Variants in KCNH1 observed in about 807,000 individuals in gnomAD.
KCNH1 encodes voltage-gated delayed rectifier potassium channel KCNH1.
KCNH1 carries 27 observed loss-of-function variants against 69.2 expected under a neutral mutation model. The observed-to-expected ratio is 0.39, with a 90% confidence interval of 0.29 to 0.54. The LOEUF (loss-of-function observed/expected upper bound fraction) is 0.54. KCNH1 is among the 20% of genes least tolerant of loss of function. The pLI is 0.68. For missense variants in KCNH1, 798 were observed against 1,261.6 expected (o/e 0.63, Z 5.57); for synonymous variants, 456 against 487.7 (o/e 0.93, Z 0.86).
chr1:210,695,673 A>T (rs887208740), intron 10 of KCNH1, among the ~76,000 whole-genome samples: 3 of 152,230 alleles, frequency 2.0e-5, no homozygotes, highest in African/African-American at 7.2e-5. Context: ...GGGGACTGAC[A>T]GATTGCATGA....
rs539286058 is a variant in KCNH1, at chr1:211,113,724, A to C, written c.80-6347T>G. ...TCAGTTCCCATGGAGTCTGGAAAGA[A>C]TCCAGAAGTCCCCAACTGCCCGTGG... is the stretch of plus-strand genomic sequence containing the variant. On this transcript the variant is annotated intron_variant, in intron 1 of 10. Coordinates refer to ENST00000271751, the MANE Select transcript of KCNH1 (RefSeq NM_172362.3). Among the ~76,000 whole-genome samples, 22 of 152,282 alleles carry C rather than the reference A, an allele frequency of 1.4e-4. No individual in the cohort carries two copies. The South Asian group carries it at 1.7e-3, about 11-fold the overall frequency.
intron 10 of KCNH1, among the ~76,000 whole-genome samples, chr1:210,694,744 T>C (rs1172882469): frequency 3.3e-5 from 5 of 152,234 alleles, no homozygotes; most frequent in Admixed American, 2.6e-4. Flanking sequence ...AAGCCTCAGG[T>C]CCTTTCTTTA....
intron 7 of KCNH1, among the ~76,000 whole-genome samples, chr1:210,881,040 CAG>C (rs775638319): frequency 7.6e-5 from 11 of 145,192 alleles, no homozygotes; most frequent in Non-Finnish European, 1.4e-4. Flanking sequence ...TTTCTGGAAA[CAG>C]AGTCTCACTC....
intron 10 of KCNH1, among the ~76,000 whole-genome samples, chr1:210,738,566 T>A (rs1286804948): frequency 7.5e-6 from 1 of 132,506 alleles, no homozygotes; most frequent in South Asian, 2.6e-4. Context: ...TTTTTTTTTT[T>A]TTTTTTTTTT....
At chr1:211,087,981 G>A (rs1690987577) in intron 4 of KCNH1, among the ~76,000 whole-genome samples, 1 of 152,102 alleles carries the variant, frequency 6.6e-6, no homozygotes, top group Non-Finnish European at 1.5e-5. Flanking sequence ...CCCTTTGTGG[G>A]CGATTTGTGG....
intron 5 of KCNH1, among the ~76,000 whole-genome samples, chr1:211,034,319 C>T: frequency 6.6e-6 from 1 of 151,500 alleles, no homozygotes; most frequent in East Asian, 1.9e-4. Flanking sequence ...GAAAAAAAAA[C>T]CTCAAAGATT....
At chr1:210,899,715 C>T (rs947988285) in intron 7 of KCNH1, among the ~76,000 whole-genome samples, 2 of 152,192 alleles carry the variant, frequency 1.3e-5, no homozygotes, top group Admixed American at 1.3e-4. Flanking sequence ...ATATTTGTGA[C>T]TTCATGTGAT....
chr1:211,119,103 G>A (rs540640227), intron 1 of KCNH1, among the ~76,000 whole-genome samples: 171 of 152,350 alleles, frequency 1.1e-3, no homozygotes, highest in Non-Finnish European at 2.1e-3. Context: ...GCTCATGCCT[G>A]TAATCCCAGC....
At chr1:211,022,667 A>G (rs1689607498) in intron 5 of KCNH1, among the ~76,000 whole-genome samples, 1 of 152,240 alleles carries the variant, frequency 6.6e-6, no homozygotes, top group Non-Finnish European at 1.5e-5. Context: ...AGTAATCTGA[A>G]TAGCTATTTA....
In KCNH1 at chr1:211,070,783, T is replaced by C. The variant is rs181390165; in HGVS notation, c.558+11997A>G. On this transcript the variant is annotated intron_variant, in intron 5 of 10. Coordinates refer to ENST00000271751, the MANE Select transcript of KCNH1 (RefSeq NM_172362.3). ...GTTGCAGTGAGCCAAGATCATGCAA[T>C]TGTTCTCCAGTCTGGGGGACAGAGC... Among the ~76,000 whole-genome samples the C allele has an allele frequency of 3.3e-5, 5 of 150,750 alleles. No homozygotes were observed. In the East Asian group the frequency reaches 9.8e-4, roughly 30 times the overall value.
chr1:210,715,619 G>A (rs781460905), intron 10 of KCNH1, among the ~76,000 whole-genome samples: 1 of 151,924 alleles, frequency 6.6e-6, no homozygotes, highest in Non-Finnish European at 1.5e-5. Context: ...TAATCATTAG[G>A]TCATAATTTT....
intron 6 of KCNH1, among the ~76,000 whole-genome samples, chr1:210,954,715 G>A (rs989087751): frequency 6.6e-6 from 1 of 152,324 alleles, no homozygotes; most frequent in South Asian, 2.1e-4. Flanking sequence ...TTTCAGAAGT[G>A]TCTGTTCATA....
At chr1:211,029,670 C>T (rs1178825370) in intron 5 of KCNH1, among the ~76,000 whole-genome samples, 3 of 152,116 alleles carry the variant, frequency 2.0e-5, no homozygotes, top group Admixed American at 2.0e-4. Flanking sequence ...TCTCACAATT[C>T]TTAATCAACA....
At chr1:210,866,902 T>C (rs1686121813) in intron 7 of KCNH1, among the ~76,000 whole-genome samples, 1 of 147,440 alleles carries the variant, frequency 6.8e-6, no homozygotes, top group South Asian at 2.1e-4. Flanking sequence ...AGATGTGGTA[T>C]AGCCATACAA....
intron 4 of KCNH1, among the ~76,000 whole-genome samples, chr1:211,084,428 C>T (rs17267400): frequency 0.019 from 2,873 of 152,254 alleles, 40 homozygotes; most frequent in South Asian, 0.062. Context: ...AGAACAGTGA[C>T]GAGAGGGAGC....
At chr1:210,840,180 G>A (rs185476013) in intron 7 of KCNH1, among the ~76,000 whole-genome samples, 27 of 152,248 alleles carry the variant, frequency 1.8e-4, no homozygotes, top group African/African-American at 6.0e-4. Flanking sequence ...TAAAGGCAAC[G>A]TACACACCTC....
chr1:211,098,030 A>G (rs1386529146), intron 3 of KCNH1, among the ~76,000 whole-genome samples: 2 of 152,242 alleles, frequency 1.3e-5, no homozygotes, highest in African/African-American at 2.4e-5. Context: ...CGTTGATATA[A>G]GAAAATCAGG....
intron 5 of KCNH1, among the ~76,000 whole-genome samples, chr1:211,073,546 G>T (rs1236328844): frequency 1.3e-5 from 2 of 152,106 alleles, no homozygotes; most frequent in African/African-American, 4.8e-5. Flanking sequence ...AATTAAACTA[G>T]AAATCAGTTA....
intron 7 of KCNH1, among the ~76,000 whole-genome samples, chr1:210,882,297 G>A (rs182209429): frequency 6.6e-6 from 1 of 152,152 alleles, no homozygotes; most frequent in Non-Finnish European, 1.5e-5. Context: ...CACCAAGCAG[G>A]TAAGCAATAT....
Sources: allele counts gnomAD v4.1 joint callset (sites outside exome capture counted in the v4.1 genomes callset), GRCh38; gene constraint gnomAD v4.1.1; transcripts MANE v1.5; gene names NCBI Gene and HGNC (gene_info 2026-07-23, HGNC 2026-07-21).